Variants in CA13 observed in about 807,000 individuals in gnomAD.
CA13 encodes the protein CA-XIII.
A neutral mutation model predicts 31.5 loss-of-function variants in CA13; 21 were observed. That is an observed-to-expected ratio of 0.67 (90% confidence interval 0.47 to 0.96). The LOEUF (loss-of-function observed/expected upper bound fraction) is 0.96. CA13 is among the 40% of genes least tolerant of loss of function. CA13 has a pLI of 0.00. For synonymous variants in CA13, 117 were observed against 111.4 expected (o/e 1.05, Z -0.32); for missense variants, 315 against 318.9 (o/e 0.99, Z 0.09).
rs1459646093 is a variant in CA13 at position 85,280,255 on chromosome 8, GGTGA to G, written c.670-974_670-971del. On this transcript the variant is annotated intron_variant, in intron 6 of 6. Transcript: ENST00000321764. Reference sequence around the variant, plus strand: ...AGATTCTGCCATTGCACTCTAGCCTGGTGACACAGCAAGACTCTGTCTCAAAAAA... The same window carrying G: ...AGATTCTGCCATTGCACTCTAGCCTGCACAGCAAGACTCTGTCTCAAAAAA... 9.2e-5 allele frequency among the ~76,000 whole-genome samples: 14 copies of G among 152,152 alleles called. 1 individual carries two copies. The highest frequency in any genetic ancestry group is 6.5e-5 in the Admixed American group (1 of 15,274).
At chr8:85,260,924 G>C (rs1255231264) in intron 3 of CA13, among the ~76,000 whole-genome samples, 1 of 152,152 alleles carries the variant, frequency 6.6e-6, no homozygotes, top group African/African-American at 2.4e-5. Context: ...GTTACACCTT[G>C]TACTTTAATA....
chr8:85,272,355 A>G (rs1385514209), intron 6 of CA13, among the ~76,000 whole-genome samples: 1 of 152,018 alleles, frequency 6.6e-6, no homozygotes, highest in African/African-American at 2.4e-5. Flanking sequence ...TCCCAGGTTC[A>G]AGTGATTCTG....
At chr8:85,256,277 C>T (rs1239908204) in intron 2 of CA13, among the ~76,000 whole-genome samples, 7 of 152,194 alleles carry the variant, frequency 4.6e-5, no homozygotes, top group African/African-American at 1.2e-4. Context: ...TTATAGTAGG[C>T]GCTCAATAAC....
At chr8:85,272,814 T>C (rs569683898) in intron 6 of CA13, among the ~76,000 whole-genome samples, 7 of 152,174 alleles carry the variant, frequency 4.6e-5, no homozygotes, top group Non-Finnish European at 1.0e-4. Context: ...TTACATTGTT[T>C]CCTTTTCTTT....
chr8:85,263,551 A>G (rs867458324), intron 3 of CA13, among the ~76,000 whole-genome samples: 1 of 152,134 alleles, frequency 6.6e-6, no homozygotes, highest in African/African-American at 2.4e-5. Flanking sequence ...GATAAAGTCA[A>G]TAGGGTTTGC....
Position 85,247,294 on chromosome 8 carries a change from A to G in CA13, c.37+1429A>G, listed in dbSNP as rs946431887. On this transcript the variant is annotated intron_variant, in intron 1 of 6. Coordinates refer to ENST00000321764, the MANE Select transcript of CA13 (RefSeq NM_198584.3). ...AGAAGAAGGGTATTTCAATCAATCA[A>G]TCAATGGATATTGATTACTCTTTAG... Among the ~76,000 whole-genome samples the G allele has an allele frequency of 2.6e-5, 4 of 152,230 alleles. No homozygotes were observed. The South Asian group carries it at 6.2e-4, about 24-fold the overall frequency.
At position 85,281,320 on chromosome 8, in the gene CA13, G is replaced by A. The variant is rs769895665; in HGVS notation, c.760G>A (p.Gly254Ser). The A allele has an allele frequency of 1.2e-6, 2 of 1,613,886 alleles. No homozygotes were observed. Among genetic ancestry groups the A allele is most frequent in the East Asian group, 4.5e-5 (2 of 44,868 alleles). ...TCACCGCCCACCACAGCCTCTAAAG[G>A]GCCGCAAAGTGAGAGCCTCTTTCCA... is the stretch of plus-strand genomic sequence containing the variant. ...SNHRPPQPLK[G>S]RKVRASFH is the part of the protein sequence containing the mutation. Residue 254 changes from glycine (G) to serine (S), a missense_variant, in exon 7 of 7, where the codon GGC becomes AGC. Gly to Ser is a moderately conservative substitution (Grantham distance 56). Coordinates refer to ENST00000321764, the MANE Select transcript of CA13 (RefSeq NM_198584.3).
intron 2 of CA13, among the ~76,000 whole-genome samples, chr8:85,252,092 TACAAAAA>T (rs1807199093): frequency 1.3e-5 from 2 of 152,064 alleles, no homozygotes; most frequent in African/African-American, 4.8e-5. Context: ...AACTTATCTC[TACAAAAA>T]ATAAAAAATT....
At chr8:85,262,790 G>T (rs1429023348) in intron 3 of CA13, among the ~76,000 whole-genome samples, 1 of 152,168 alleles carries the variant, frequency 6.6e-6, no homozygotes, top group Non-Finnish European at 1.5e-5. Context: ...GTAGAGGCTG[G>T]CTGGCTGGCA....
At chr8:85,278,123 G>A (rs1030288456) in intron 6 of CA13, among the ~76,000 whole-genome samples, 1 of 151,602 alleles carries the variant, frequency 6.6e-6, no homozygotes, top group African/African-American at 2.4e-5. Flanking sequence ...TTAGCTGGGC[G>A]TGGTGTCCCC....
At chr8:85,276,772 C>A (rs1253676664) in intron 6 of CA13, among the ~76,000 whole-genome samples, 1 of 151,998 alleles carries the variant, frequency 6.6e-6, no homozygotes, top group Non-Finnish European at 1.5e-5. Context: ...TTGTTTAGCT[C>A]AGGGTTTGTG....
chr8:85,247,696 A>G (rs1396870740), intron 1 of CA13, among the ~76,000 whole-genome samples: 1 of 152,076 alleles, frequency 6.6e-6, no homozygotes, highest in Non-Finnish European at 1.5e-5. Context: ...CAGCCCCACC[A>G]AGTAGCTGGG....
At chr8:85,256,220 A>T (rs1564000864) in intron 2 of CA13, among the ~76,000 whole-genome samples, 1 of 152,306 alleles carries the variant, frequency 6.6e-6, no homozygotes, top group South Asian at 2.1e-4. Context: ...TTTTTAAAAA[A>T]TTTGTGGTAC....
At position 85,281,739 on chromosome 8, in the gene CA13, A is replaced by G. The variant is rs1807711321; in HGVS notation, c.*390A>G. 6.4e-6 allele frequency: 1 copy of G among 156,616 alleles called. No individual in the cohort carries two copies. Among genetic ancestry groups the G allele is most frequent in the Admixed American group, 6.3e-5 (1 of 15,810 alleles). The allele number at this position is 156,616 out of a possible 1,614,324, so 9.7% of individuals were successfully genotyped here. A position where few individuals can be genotyped will look rare whatever the true frequency, so the allele number is the denominator to read the frequency against. On this transcript the variant is annotated 3_prime_UTR_variant, in exon 7 of 7. Transcript: ENST00000321764. Reference sequence around the variant, plus strand: ...TGCTATGTTGCCCAGGCTGGTCTCAAGCTCCTGCCCTAAAGTAGGCCTCCT... The same window carrying G: ...TGCTATGTTGCCCAGGCTGGTCTCAGGCTCCTGCCCTAAAGTAGGCCTCCT...
rs749539090 is a variant in CA13 at position 85,281,324 on chromosome 8, G to A, written c.764G>A (p.Arg255His). ...CGCCCACCACAGCCTCTAAAGGGCCGCAAAGTGAGAGCCTCTTTCCATTAA... is the reference window on the plus strand; with the variant it reads ...CGCCCACCACAGCCTCTAAAGGGCCACAAAGTGAGAGCCTCTTTCCATTAA... ...NHRPPQPLKG[R>H]KVRASFH The change falls in exon 7 of 7, where the codon CGC becomes CAC. Residue 255 changes from arginine (R) to histidine (H), a missense_variant. Coordinates refer to ENST00000321764, the MANE Select transcript of CA13 (RefSeq NM_198584.3). 17 of 1,613,626 alleles carry A rather than the reference G, an allele frequency of 1.1e-5. No homozygotes were observed. Among genetic ancestry groups the A allele is most frequent in the East Asian group, 2.2e-5 (1 of 44,864 alleles).
At position 85,251,064 on chromosome 8, in the gene CA13, C is replaced by T. The variant is rs192392136; in HGVS notation, c.235+127C>T. 2.5e-4 allele frequency: 199 copies of T among 791,992 alleles called. 1 individual carries two copies. The East Asian group carries it at 3.7e-3, about 15-fold the overall frequency. The allele number at this position is 791,992 out of a possible 1,614,324, so 49.1% of individuals were successfully genotyped here. A position where few individuals can be genotyped will look rare whatever the true frequency, so the allele number is the denominator to read the frequency against. On this transcript the variant is annotated intron_variant, in intron 2 of 6. Transcript: ENST00000321764. ...GTCGCCAGGCTGAAGTGTAGTGGCGCGATCTTGGCTTATTGCAACCTCCGC... is the reference window on the plus strand; with the variant it reads ...GTCGCCAGGCTGAAGTGTAGTGGCGTGATCTTGGCTTATTGCAACCTCCGC...
At chr8:85,263,807 G>A (rs1314747527) in intron 3 of CA13, among the ~76,000 whole-genome samples, 10 of 152,230 alleles carry the variant, frequency 6.6e-5, no homozygotes, top group Admixed American at 4.6e-4. Flanking sequence ...TTAAGAAGAG[G>A]TCAAGGCTGG....
Position 85,281,548 on chromosome 8 carries a change from T to C in CA13, c.*199T>C, listed in dbSNP as rs1224537485. On this transcript the variant is annotated 3_prime_UTR_variant, in exon 7 of 7. Transcript: ENST00000321764. ...TTTTTTTAGTGATAGAGTCTCACTCTGTCACCCAGGCTGGAGGGCAGTGGT... is the reference window on the plus strand; with the variant it reads ...TTTTTTTAGTGATAGAGTCTCACTCCGTCACCCAGGCTGGAGGGCAGTGGT... 8.1e-7 allele frequency: 1 copy of C among 1,236,856 alleles called. No homozygotes were observed. The highest frequency in any genetic ancestry group is 1.0e-6 in the Non-Finnish European group (1 of 971,822). The allele number at this position is 1,236,856 out of a possible 1,614,324, so 76.6% of individuals were successfully genotyped here. A position where few individuals can be genotyped will look rare whatever the true frequency, so the allele number is the denominator to read the frequency against.
chr8:85,271,381 C>T (rs1445794794), intron 6 of CA13, among the ~76,000 whole-genome samples: 1 of 152,182 alleles, frequency 6.6e-6, no homozygotes, highest in Non-Finnish European at 1.5e-5. Flanking sequence ...ACAGTTTGAC[C>T]TAAGGGGCAA....
Sources: gnomAD v4.1 joint callset for allele counts (sites outside exome capture counted in the v4.1 genomes callset) on GRCh38, gnomAD v4.1.1 for gene constraint, MANE v1.5 for transcripts, NCBI Gene and HGNC (gene_info 2026-07-23, HGNC 2026-07-21) for gene names.